Variants in KATNIP observed in about 807,000 individuals in gnomAD.
The protein encoded by KATNIP is katanin interacting protein, also known as katanin-interacting protein.
In KATNIP, 126 loss-of-function variants were observed where a neutral mutation model predicts 174.0. That is an observed-to-expected ratio of 0.72 (90% CI 0.63 to 0.84). The LOEUF is 0.84. Ranked by LOEUF, KATNIP falls within the 40% of genes least tolerant of loss-of-function variation. KATNIP has a pLI of 0.00. For synonymous variants in KATNIP, 810 were observed against 835.7 expected (o/e 0.97, Z 0.53); for missense variants, 1,958 against 2,109.7 (o/e 0.93, Z 1.41).
chr16:27,584,343 G>T lies in KATNIP; in HGVS notation c.63+10387G>T, dbSNP rs1596802753. Reference sequence around the variant, plus strand: ...GTCCTGGAGACAAAGGTTGGGTGGGGTCAACCCTACGTAAAGCACATGGTT... The same window carrying T: ...GTCCTGGAGACAAAGGTTGGGTGGGTTCAACCCTACGTAAAGCACATGGTT... On this transcript the variant is annotated intron_variant, in intron 2 of 27. Coordinates refer to ENST00000261588, the MANE Select transcript of KATNIP (RefSeq NM_015202.5). 3.9e-5 allele frequency among the ~76,000 whole-genome samples: 6 copies of T among 152,062 alleles called. 1 individual carries two copies. Among genetic ancestry groups the T allele is most frequent in the Admixed American group, 3.9e-4 (6 of 15,252 alleles).
intron 10 of KATNIP, among the ~76,000 whole-genome samples, chr16:27,700,831 T>C (rs1229684845): frequency 2.6e-5 from 4 of 152,224 alleles, no homozygotes; most frequent in Non-Finnish European, 5.9e-5. Flanking sequence ...AGCTGTTTGC[T>C]GTTTGCATTG....
chr16:27,770,050 C>T (rs1390091106), intron 21 of KATNIP, 32 bp downstream of exon 21: 3 of 1,601,460 alleles, frequency 1.9e-6, no homozygotes, highest in Non-Finnish European at 8.5e-7. Context: ...CACACAGCCC[C>T]TCCCGGCCCC....
At chr16:27,605,349 C>G (rs139904660) in intron 2 of KATNIP, among the ~76,000 whole-genome samples, 160 of 152,296 alleles carry the variant, frequency 1.1e-3, no homozygotes, top group East Asian at 0.01. Flanking sequence ...TTATTTTCCA[C>G]TGGACATGGA....
At chr16:27,692,704 G>A (rs762765060) in intron 8 of KATNIP, among the ~76,000 whole-genome samples, 7 of 152,118 alleles carry the variant, frequency 4.6e-5, no homozygotes, top group Non-Finnish European at 1.0e-4. Flanking sequence ...ATGACAGTGC[G>A]TCCCCTCCCA....
At chr16:27,600,905 A>G (rs989903487) in intron 2 of KATNIP, among the ~76,000 whole-genome samples, 1 of 151,382 alleles carries the variant, frequency 6.6e-6, no homozygotes, top group Non-Finnish European at 1.5e-5. Context: ...AATTTTTTGT[A>G]TTTTTTTAGT....
intron 2 of KATNIP, among the ~76,000 whole-genome samples, chr16:27,614,257 C>T (rs2075979301): frequency 6.6e-6 from 1 of 152,122 alleles, no homozygotes; most frequent in African/African-American, 2.4e-5. Flanking sequence ...CCTCCAACCC[C>T]CGGGTTCAAG....
Position 27,766,405 on chromosome 16 carries a change from C to T in KATNIP, c.3906C>T (p.Asp1302=), listed in dbSNP as rs369570139. 5 of 1,614,040 alleles carry T rather than the reference C, an allele frequency of 3.1e-6. No homozygotes were observed. In the African/African-American group the frequency reaches 5.3e-5, roughly 17 times the overall value. Residue 1302 remains aspartate, a synonymous_variant, in exon 20 of 28, where the codon GAC becomes GAT. Transcript: ENST00000261588. ...GLDHVVTIRL[D]RAESIAGLRF... The stretch of plus-strand genomic sequence containing the variant: ...ACCATGTGGTCACGATCCGCCTGGA[C>T]AGGGCCGAAAGCATCGCAGGCCTGC...
At chr16:27,563,274 A>G (rs1596723493) in intron 1 of KATNIP, among the ~76,000 whole-genome samples, 1 of 152,190 alleles carries the variant, frequency 6.6e-6, no homozygotes, top group Non-Finnish European at 1.5e-5. Flanking sequence ...AGGATCCCTC[A>G]TAAGACCAAG....
intron 27 of KATNIP, 51 bp from the exon 28 acceptor site, chr16:27,778,523 C>T (rs771723945): frequency 1.9e-6 from 3 of 1,585,972 alleles, no homozygotes; most frequent in Non-Finnish European, 2.6e-6. Flanking sequence ...GGGCACCCCT[C>T]CAGGGTTTGA....
At chr16:27,735,721 C>T (rs980488846) in intron 14 of KATNIP, among the ~76,000 whole-genome samples, 8 of 152,196 alleles carry the variant, frequency 5.3e-5, no homozygotes, top group African/African-American at 1.9e-4. Context: ...TAAATTGCTG[C>T]GGAAACCTCT....
At chr16:27,633,345 G>A (rs941733056) in intron 5 of KATNIP, among the ~76,000 whole-genome samples, 2 of 150,728 alleles carry the variant, frequency 1.3e-5, no homozygotes, top group Non-Finnish European at 3.0e-5. Context: ...CTTAAGCAGT[G>A]TTATTTTTTA....
chr16:27,562,707 CAGAGA>C (rs1197677769), intron 1 of KATNIP, among the ~76,000 whole-genome samples: 12 of 152,092 alleles, frequency 7.9e-5, no homozygotes, highest in Non-Finnish European at 1.8e-4. Flanking sequence ...CTGATGGATA[CAGAGA>C]TAGACTGAAA....
intron 4 of KATNIP, among the ~76,000 whole-genome samples, chr16:27,629,733 G>A (rs867121243): frequency 1.3e-5 from 2 of 152,222 alleles, no homozygotes; most frequent in Non-Finnish European, 2.9e-5. Context: ...ATGGGACTCA[G>A]TTAGACATGG....
At chr16:27,619,472 G>T (rs371057164) in intron 3 of KATNIP, among the ~76,000 whole-genome samples, 3 of 152,154 alleles carry the variant, frequency 2.0e-5, no homozygotes, top group Non-Finnish European at 2.9e-5. Context: ...CTGTGTTATC[G>T]GAGTGGGCTT....
chr16:27,728,097 G>A (rs2080521347), intron 14 of KATNIP, among the ~76,000 whole-genome samples: 3 of 152,282 alleles, frequency 2.0e-5, no homozygotes, highest in African/African-American at 2.4e-5. Context: ...ACCCGAGTCA[G>A]TGCGGCCTGA....
intron 2 of KATNIP, among the ~76,000 whole-genome samples, chr16:27,600,750 A>T (rs562676847): frequency 6.2e-5 from 9 of 145,266 alleles, no homozygotes; most frequent in Admixed American, 6.2e-4. Flanking sequence ...TTTTTTTTAG[A>T]CGGAGTTTTA....
At chr16:27,737,822 G>C (rs980457659) in intron 14 of KATNIP, among the ~76,000 whole-genome samples, 1 of 152,128 alleles carries the variant, frequency 6.6e-6, no homozygotes. Flanking sequence ...ATTTACTTTA[G>C]GAACCAGACA....
At chr16:27,649,361 C>T (rs1240939268) in intron 6 of KATNIP, among the ~76,000 whole-genome samples, 3 of 152,214 alleles carry the variant, frequency 2.0e-5, no homozygotes, top group Non-Finnish European at 4.4e-5. Flanking sequence ...GTCCTTTGAA[C>T]TGCAAAAGTA....
At chr16:27,675,588 G>A (rs1320455480) in intron 6 of KATNIP, among the ~76,000 whole-genome samples, 1 of 152,166 alleles carries the variant, frequency 6.6e-6, no homozygotes, top group Non-Finnish European at 1.5e-5. Flanking sequence ...CTCCATCCTT[G>A]GAGTCATTCT....
Sources: gnomAD v4.1 joint callset for allele counts (sites outside exome capture counted in the v4.1 genomes callset) on GRCh38, gnomAD v4.1.1 for gene constraint, MANE v1.5 for transcripts, NCBI Gene and HGNC (gene_info 2026-07-23, HGNC 2026-07-21) for gene names.